The following GALNS variants were observed in gnomAD, a reference collection of about 807,000 sequenced individuals.
GALNS encodes N-acetylgalactosamine-6-sulfatase.
GALNS carries 65 observed loss-of-function variants against 65.9 expected under a neutral mutation model. The ratio of observed to expected loss-of-function variants is 0.99; its 90% confidence interval spans 0.81 to 1.21. The LOEUF (loss-of-function observed/expected upper bound fraction) is 1.21, where lower values mean the gene tolerates loss of function less well. GALNS is among the 50% of genes most tolerant of loss of function. GALNS has a pLI of 0.00. For synonymous variants in GALNS, 346 were observed against 288.9 expected (o/e 1.20, Z -2.00); for missense variants, 776 against 700.7 (o/e 1.11, Z -1.21).
chr16:88,856,264 C>A (rs367683129), intron 1 of GALNS: 3 of 702,886 alleles, frequency 4.3e-6, no homozygotes, highest in Non-Finnish European at 7.8e-6. Context: ...TGGAGCCCAG[C>A]GGGGGGACCC....
At chr16:88,815,929 T>C in intron 13 of GALNS, 1 of 985,320 alleles carries the variant, frequency 1.0e-6, no homozygotes, top group Non-Finnish European at 1.2e-6. Context: ...CCACACTCCC[T>C]CTCCTCTGTG....
At chr16:88,837,045 G>A (rs891135746) in intron 5 of GALNS, among the ~76,000 whole-genome samples, 1 of 152,250 alleles carries the variant, frequency 6.6e-6, no homozygotes, top group African/African-American at 2.4e-5. Flanking sequence ...AGCTGGTGCT[G>A]CTTCTGGTCA....
rs1330947693 is a variant in GALNS, at chr16:88,818,078, C to A, written c.1411G>T (p.Val471Phe). ...AAGGCCTCCTGGTGCTGCTGGACGA[C>A]CGAGGTGATCCTGCTGAGGGCCTCC... is the stretch of plus-strand genomic sequence containing the variant. ...YQEALSRITS[V>F]VQQHQEALVP... is the part of the protein sequence containing the mutation. Residue 471 changes from valine to phenylalanine, a missense_variant, in exon 13 of 14, where the codon GTC (valine) becomes TTC (phenylalanine). Coordinates refer to ENST00000268695, the MANE Select transcript of GALNS (RefSeq NM_000512.5). 1 of 1,574,052 alleles carries A rather than the reference C, an allele frequency of 6.4e-7. No homozygotes were observed. The highest frequency in any genetic ancestry group is 1.8e-5 in the Admixed American group (1 of 54,528).
chr16:88,848,296 C>T (rs1329072202), intron 1 of GALNS, among the ~76,000 whole-genome samples: 3 of 143,650 alleles, frequency 2.1e-5, no homozygotes, highest in South Asian at 4.2e-4. Context: ...AAATGACCCG[C>T]ACACTTTCAC....
At chr16:88,826,585 A>G in intron 10 of GALNS, 117 bp downstream of exon 10, 1 of 1,280,378 alleles carries the variant, frequency 7.8e-7, no homozygotes, top group Non-Finnish European at 1.1e-6. Context: ...CCTGGGCACG[A>G]GCACGCCTGT....
intron 1 of GALNS, chr16:88,845,155 G>A (rs1967187779): frequency 6.6e-6 from 1 of 151,972 alleles, no homozygotes; most frequent in Non-Finnish European, 1.5e-5. Context: ...AGACCATCCT[G>A]GCTAACATGG....
chr16:88,817,449 C>CTGG (rs1909748492), intron 13 of GALNS: 1 of 985,318 alleles, frequency 1.0e-6, no homozygotes, highest in Non-Finnish European at 1.2e-6. Context: ...ATGCGAAGGT[C>CTGG]TCTGGGGCTG....
intron 12 of GALNS, among the ~76,000 whole-genome samples, chr16:88,819,914 G>A (rs112998955): frequency 0.053 from 8,054 of 151,922 alleles, 448 homozygotes; most frequent in African/African-American, 0.14. Context: ...GGCTGGTCTC[G>A]AACTCCTGAC....
intron 11 of GALNS, among the ~76,000 whole-genome samples, chr16:88,823,809 C>T (rs996968274): frequency 6.8e-6 from 1 of 146,830 alleles, no homozygotes. Context: ...GGACGGCCCT[C>T]GCAGGCGGCA....
intron 1 of GALNS, among the ~76,000 whole-genome samples, chr16:88,850,504 G>A (rs1051071419): frequency 2.0e-5 from 3 of 152,182 alleles, no homozygotes; most frequent in African/African-American, 7.2e-5. Context: ...ACTGCGGGGA[G>A]GAGTCCCAGG....
At position 88,850,473 on chromosome 16, in the gene GALNS, G is replaced by A. The variant is rs145792946; in HGVS notation, c.120+6285C>T. Among the ~76,000 whole-genome samples, 196 of 152,286 alleles carry A rather than the reference G, an allele frequency of 1.3e-3. 3 individuals carry two copies. The Middle Eastern group carries it at 0.014, about 11-fold the overall frequency. On this transcript the variant is annotated intron_variant, in intron 1 of 13. Coordinates refer to ENST00000268695, the MANE Select transcript of GALNS (RefSeq NM_000512.5). ...ATGCTGTAAAGGGAGTGGGCTCCAC[G>A]CTCATCACTCACCAGAAAATACTGC...
chr16:88,815,235 T>G (rs1597517124), intron 13 of GALNS: 1 of 984,968 alleles, frequency 1.0e-6, no homozygotes, highest in African/African-American at 1.8e-5. Context: ...GGTGGGGAGG[T>G]CCCGGGTATG....
At chr16:88,834,110 G>C (rs1043363466) in intron 8 of GALNS, among the ~76,000 whole-genome samples, 2 of 152,214 alleles carry the variant, frequency 1.3e-5, no homozygotes, top group Non-Finnish European at 2.9e-5. Flanking sequence ...GACTCCAGTG[G>C]GCGGGAGATG....
At chr16:88,831,083 A>G (rs1047966589) in intron 9 of GALNS, among the ~76,000 whole-genome samples, 5 of 152,146 alleles carry the variant, frequency 3.3e-5, no homozygotes. Context: ...CACAGTCATT[A>G]CCAGCACCCA....
In GALNS at chr16:88,835,331, C is replaced by T; in HGVS notation, c.780G>A (p.Glu260=). The T allele has an allele frequency of 6.2e-7, 1 of 1,613,762 alleles. No individual in the cohort carries two copies. The change falls in exon 8 of 14, where the codon GAG becomes GAA. Residue 260 remains glutamate (E), a synonymous_variant. Transcript: ENST00000268695. ...GTATCTTCCCAATGCTGTCATCAATCTCCCGGACGGCGTCTCCATACCTGC... is the reference window on the plus strand; with the variant it reads ...GTATCTTCCCAATGCTGTCATCAATTTCCCGGACGGCGTCTCCATACCTGC... The part of the protein sequence containing the change: ...QRGRYGDAVR[E]IDDSIGKILE...
At chr16:88,854,597 G>A (rs1967686764) in intron 1 of GALNS, among the ~76,000 whole-genome samples, 1 of 152,210 alleles carries the variant, frequency 6.6e-6, no homozygotes. Flanking sequence ...CTTGGCGCAG[G>A]GCTGAGACCC....
chr16:88,823,413 T>C (rs1910456939), intron 11 of GALNS, among the ~76,000 whole-genome samples: 1 of 152,278 alleles, frequency 6.6e-6, no homozygotes, highest in Non-Finnish European at 1.5e-5. Context: ...GGTATGCCTC[T>C]AACATTCCCA....
intron 1 of GALNS, among the ~76,000 whole-genome samples, chr16:88,853,769 G>A (rs1457291082): frequency 6.6e-6 from 1 of 152,170 alleles, no homozygotes; most frequent in Non-Finnish European, 1.5e-5. Context: ...GCGCTGGACC[G>A]TGGGTCAGTG....
At position 88,832,047 on chromosome 16, in the gene GALNS, A is replaced by C. The variant is rs746756997; in HGVS notation, c.953T>G (p.Met318Arg). 5 of 1,613,754 alleles carry C rather than the reference A, an allele frequency of 3.1e-6. No homozygotes were observed. In the East Asian group the frequency reaches 1.1e-4, roughly 36 times the overall value. The part of the protein sequence containing the change: ...CGKQTTFEGG[M>R]REPALAWWPG... ...CCACCATGCGAGGGCAGGCTCCCTCATCCCTCCTTCAAACGTGGTCTGCTT... is the reference window on the plus strand; with the variant it reads ...CCACCATGCGAGGGCAGGCTCCCTCCTCCCTCCTTCAAACGTGGTCTGCTT... Residue 318 changes from methionine to arginine, a missense_variant, in exon 9 of 14, where the codon ATG (methionine) becomes AGG (arginine). Physicochemically the swap from Met to Arg is moderately conservative, Grantham distance 91 (BLOSUM62 -1). Coordinates refer to ENST00000268695, the MANE Select transcript of GALNS (RefSeq NM_000512.5).
Sources: gnomAD v4.1 joint callset for allele counts (sites outside exome capture counted in the v4.1 genomes callset) on GRCh38, gnomAD v4.1.1 for gene constraint, MANE v1.5 for transcripts, NCBI Gene and HGNC (gene_info 2026-07-23, HGNC 2026-07-21) for gene names.